The following RNPEPL1 variants were observed in gnomAD, a reference collection of about 807,000 sequenced individuals.
RNPEPL1 encodes the protein aminopeptidase RNPEPL1.
A neutral mutation model predicts 69.0 loss-of-function variants in RNPEPL1; 46 were observed. The observed-to-expected ratio is 0.67, with a 90% CI of 0.53 to 0.85. The LOEUF (loss-of-function observed/expected upper bound fraction) is 0.85, where lower values mean the gene tolerates loss of function less well. RNPEPL1 is among the 40% of genes least tolerant of loss of function. The probability of loss-of-function intolerance (pLI) is 0.00; values close to 1 mark genes in which losing one functional copy is unlikely to be tolerated. For missense variants in RNPEPL1, 869 were observed against 992.5 expected (o/e 0.88, Z 1.67); for synonymous variants, 525 against 454.1 (o/e 1.16, Z -1.98).
At chr2:240,570,445 G>A (rs1054744695) in intron 1 of RNPEPL1, among the ~76,000 whole-genome samples, 5 of 152,230 alleles carry the variant, frequency 3.3e-5, no homozygotes, top group African/African-American at 9.6e-5. Context: ...AGAAGGCAGA[G>A]TATTCGACTC....
Position 240,569,092 on chromosome 2 carries a change from A to G in RNPEPL1, c.506A>G (p.Tyr169Cys). The G allele has an allele frequency of 6.7e-7, 1 of 1,502,016 alleles. No homozygotes were observed. Among genetic ancestry groups the G allele is most frequent in the Non-Finnish European group, 8.8e-7 (1 of 1,132,784 alleles). 93.0% of individuals were successfully genotyped at this position (1,502,016 alleles called of 1,614,324 possible). ...AHQPFQVILRYTSTDAPAIWW... is the reference protein window; with the variant it reads ...AHQPFQVILRCTSTDAPAIWW... Reference sequence around the variant, plus strand: ...CAGCCCTTCCAGGTCATCCTGCGGTACACCTCGACCGACGCCCCCGCCGTG... The same window carrying G: ...CAGCCCTTCCAGGTCATCCTGCGGTGCACCTCGACCGACGCCCCCGCCGTG... The change falls in exon 1 of 11, where the codon TAC (tyrosine) becomes TGC (cysteine). Residue 169 changes from tyrosine (Y) to cysteine (C), a missense_variant. Around this residue, in one of 2 missense-constraint regions of RNPEPL1, gnomAD observed 610 missense variants for 790.9 expected, o/e 0.77. Coordinates refer to ENST00000270357, the MANE Select transcript of RNPEPL1 (RefSeq NM_018226.6).
At position 240,568,592 on chromosome 2, in the gene RNPEPL1, C is replaced by T. The variant is rs1024723870; in HGVS notation, c.6C>T (p.Ala2=). The part of the protein sequence containing the change: M[A]AQCCCRQAPG... Reference sequence around the variant, plus strand: ...TTCACCTAGTGCCGGCGGCCATGGCCGCGCAGTGCTGCTGCCGCCAGGCGC... The same window carrying T: ...TTCACCTAGTGCCGGCGGCCATGGCTGCGCAGTGCTGCTGCCGCCAGGCGC... Residue 2 remains alanine (A), a synonymous_variant, in exon 1 of 11, where the codon GCC becomes GCT. Transcript: ENST00000270357. This position sits in a 1 kb window ranked among gnomAD's most constrained non-coding sequence, Gnocchi z 6.2. 7.0e-5 allele frequency: 69 copies of T among 984,182 alleles called. No homozygotes were observed. The African/African-American group carries it at 8.3e-4, about 12-fold the overall frequency. The allele number at this position is 984,182 out of a possible 1,614,324, so 61.0% of individuals were successfully genotyped here.
intron 1 of RNPEPL1, among the ~76,000 whole-genome samples, chr2:240,571,853 T>C (rs1477111495): frequency 6.6e-6 from 1 of 152,004 alleles, no homozygotes; most frequent in Non-Finnish European, 1.5e-5. Context: ...CTCCACTCCC[T>C]GCTTGCTGTC....
rs1352660794 is a variant in RNPEPL1, at chr2:240,580,152, T to C, written c.*2260T>C. ...TTGTGTTCCTGACCTTTGTTCCTCT[T>C]CCACCCAGCTTGCAAGTGCAGAATT... On this transcript the variant is annotated 3_prime_UTR_variant, in exon 11 of 11. Transcript: ENST00000270357. The C allele has an allele frequency of 1.3e-5, 2 of 152,412 alleles. No individual in the cohort carries two copies. Among genetic ancestry groups the C allele is most frequent in the African/African-American group, 4.8e-5 (2 of 41,454 alleles). 9.4% of individuals were successfully genotyped at this position (152,412 alleles called of 1,614,324 possible).
chr2:240,569,165 T>C, intron 1 of RNPEPL1, 51 bp downstream of exon 1: 4 of 1,373,090 alleles, frequency 2.9e-6, no homozygotes, highest in African/African-American at 1.5e-5. Context: ...AGGGCGCTGC[T>C]AGCGGCCTCT....
chr2:240,573,077 G>A (rs1243348308), intron 2 of RNPEPL1, 33 bp from the exon 3 acceptor site: 1 of 1,560,574 alleles, frequency 6.4e-7, no homozygotes, highest in Middle Eastern at 1.7e-4. Context: ...GCTGACGGTG[G>A]GGCCACCCGG....
chr2:240,569,793 C>T (rs1294121739), intron 1 of RNPEPL1, among the ~76,000 whole-genome samples: 1 of 152,156 alleles, frequency 6.6e-6, no homozygotes, highest in Non-Finnish European at 1.5e-5. Flanking sequence ...GTGGTATGGA[C>T]GGCACACATG....
rs2125451209 is a variant in RNPEPL1, at chr2:240,578,069, G to T, written c.*177G>T. On this transcript the variant is annotated 3_prime_UTR_variant, in exon 11 of 11. Transcript: ENST00000270357. ...GAGAGGGACCTCCTTGTGTCTGGCA[G>T]AGACCTGTGGACCTGGCCTCCCCAC... 1 of 568,340 alleles carries T rather than the reference G, an allele frequency of 1.8e-6. No individual in the cohort carries two copies. The highest frequency in any genetic ancestry group is 2.8e-6 in the Non-Finnish European group (1 of 353,148). 35.2% of individuals were successfully genotyped at this position (568,340 alleles called of 1,614,324 possible). A position where few individuals can be genotyped will look rare whatever the true frequency, so the allele number is the denominator to read the frequency against.
chr2:240,578,196 C>A lies in RNPEPL1; in HGVS notation c.*304C>A. ...GCCTAGCCCCGGATGCCAGCACCTG[C>A]CAGGTGCCGCCCCGGGGCAAGGGCC... On this transcript the variant is annotated 3_prime_UTR_variant, in exon 11 of 11. Transcript: ENST00000270357. 3.4e-6 allele frequency: 1 copy of A among 293,692 alleles called. No individual in the cohort carries two copies. Among genetic ancestry groups the A allele is most frequent in the Non-Finnish European group, 6.4e-6 (1 of 157,144 alleles). 18.2% of individuals were successfully genotyped at this position (293,692 alleles called of 1,614,324 possible). A position where few individuals can be genotyped will look rare whatever the true frequency, so the allele number is the denominator to read the frequency against.
chr2:240,576,498 C>G, intron 8 of RNPEPL1, 37 bp from the exon 9 acceptor site: 1 of 1,565,802 alleles, frequency 6.4e-7, no homozygotes, highest in East Asian at 2.3e-5. Flanking sequence ...CCCTTCCTAG[C>G]CTGGGCAGGG....
chr2:240,573,310 A>G (rs775282291), intron 3 of RNPEPL1, 49 bp downstream of exon 3: 10 of 1,515,992 alleles, frequency 6.6e-6, no homozygotes, highest in Middle Eastern at 2.1e-4. Flanking sequence ...CCTCGGGGAG[A>G]GCCCCACCGG....
rs2093039662 is a variant in RNPEPL1 at position 240,576,953 on chromosome 2, C to T, written c.1847C>T (p.Pro616Leu). ...LQIVVRNDYYPDLHRVRRFLE... is the reference protein window; with the variant it reads ...LQIVVRNDYYLDLHRVRRFLE... ...ATTGTGGTCCGCAACGACTACTATC[C>T]TGACCTCCACAGGGTGCGGCGCTTC... The change falls in exon 10 of 11, where the codon CCT (proline) becomes CTT (leucine). Residue 616 changes from proline to leucine, a missense_variant. This residue lies in a region of RNPEPL1 where 610 missense variants were observed against 790.9 expected (regional missense o/e 0.77). Coordinates refer to ENST00000270357, the MANE Select transcript of RNPEPL1 (RefSeq NM_018226.6). The T allele has an allele frequency of 1.2e-6, 2 of 1,613,456 alleles. No homozygotes were observed. Among genetic ancestry groups the T allele is most frequent in the Non-Finnish European group, 1.7e-6 (2 of 1,179,970 alleles).
At chr2:240,574,946 C>A (rs1212984404) in intron 6 of RNPEPL1, 84 bp from the exon 7 acceptor site, 7 of 1,056,802 alleles carry the variant, frequency 6.6e-6, no homozygotes, top group African/African-American at 6.2e-5. Flanking sequence ...CTTGCTGCTC[C>A]TCGGAGCCTG....
At position 240,574,315 on chromosome 2, in the gene RNPEPL1, T is replaced by C; in HGVS notation, c.1141T>C (p.Tyr381His). ...EMWLSEGLAT[Y>H]AQRRITTETY... ...GTGGCTGAGCGAGGGCCTGGCCACC[T>C]ATGCCCAGCGCCGTATCACCACCGA... Residue 381 changes from tyrosine (Y) to histidine (H), a missense_variant, in exon 5 of 11, where the codon TAT becomes CAT. Physicochemically the swap from Tyr to His is moderately conservative, Grantham distance 83. This residue lies in a region of RNPEPL1 where 610 missense variants were observed against 790.9 expected (regional missense o/e 0.77). Coordinates refer to ENST00000270357, the MANE Select transcript of RNPEPL1 (RefSeq NM_018226.6). 6.2e-7 allele frequency: 1 copy of C among 1,603,604 alleles called. No homozygotes were observed. The highest frequency in any genetic ancestry group is 8.5e-7 in the Non-Finnish European group (1 of 1,179,678).
intron 4 of RNPEPL1, 40 bp downstream of exon 4, chr2:240,573,931 A>T (rs1188730809): frequency 1.9e-6 from 3 of 1,542,266 alleles, no homozygotes; most frequent in South Asian, 2.4e-5. Flanking sequence ...GGCTGGAAGG[A>T]GGAGTCAGAG....
rs2093011895 is a variant in RNPEPL1, at chr2:240,568,787, G to GCTGCGGC, written c.203_209dup (p.Pro72AlafsTer234). On this transcript the variant is annotated frameshift_variant, in exon 1 of 11. Coordinates refer to ENST00000270357, the MANE Select transcript of RNPEPL1 (RefSeq NM_018226.6). LOFTEE classifies it high-confidence loss of function. The surrounding 1 kb of genome is among the most constrained non-coding windows in gnomAD (Gnocchi z 6.2). The stretch of plus-strand genomic sequence containing the variant: ...GCTGCCTGGTGCTCGAGCTGTGCGC[G>GCTGCGGC]CTGCGGCCCGCGCCCCGCGCGCTCG... The GCTGCGGC allele has an allele frequency of 1.9e-6, 2 of 1,074,950 alleles. No individual in the cohort carries two copies. Among genetic ancestry groups the GCTGCGGC allele is most frequent in the Non-Finnish European group, 2.3e-6 (2 of 887,072 alleles). 66.6% of individuals were successfully genotyped at this position (1,074,950 alleles called of 1,614,324 possible). A position where few individuals can be genotyped will look rare whatever the true frequency, so the allele number is the denominator to read the frequency against.
chr2:240,568,673 C>T lies in RNPEPL1; in HGVS notation c.87C>T (p.Asp29=). The change falls in exon 1 of 11, where the codon GAC becomes GAT. Residue 29 remains aspartate, a synonymous_variant. Coordinates refer to ENST00000270357, the MANE Select transcript of RNPEPL1 (RefSeq NM_018226.6). The surrounding 1 kb of genome is among the most constrained non-coding windows in gnomAD (Gnocchi z 6.2). ...CGCCCGAGCCGCCGCCCGCCCTGGA[C>T]GTGGCCTCGGCCTCCAGCGCGCAGC... ...RPPPEPPPAL[D]VASASSAQLF... 1 of 1,043,298 alleles carries T rather than the reference C, an allele frequency of 9.6e-7. No homozygotes were observed. Among genetic ancestry groups the T allele is most frequent in the Non-Finnish European group, 1.2e-6 (1 of 865,648 alleles). 64.6% of individuals were successfully genotyped at this position (1,043,298 alleles called of 1,614,324 possible). A position where few individuals can be genotyped will look rare whatever the true frequency, so the allele number is the denominator to read the frequency against.
chr2:240,570,679 C>A (rs1307910633), intron 1 of RNPEPL1, among the ~76,000 whole-genome samples: 1 of 152,152 alleles, frequency 6.6e-6, no homozygotes, highest in African/African-American at 2.4e-5. Flanking sequence ...ATTCCCGCAC[C>A]CCCACCCCAC....
chr2:240,576,058 G>A (rs2093036865), intron 8 of RNPEPL1: 1 of 254,740 alleles, frequency 3.9e-6, no homozygotes, highest in South Asian at 5.7e-5. Context: ...AGGGTGGTGA[G>A]GTGCCACTGG....
Sources: allele counts gnomAD v4.1 joint callset (sites outside exome capture counted in the v4.1 genomes callset), GRCh38; gene constraint gnomAD v4.1.1; regional missense constraint gnomAD v4.1.1; non-coding constraint Gnocchi (gnomAD v3.1); transcripts MANE v1.5; gene names NCBI Gene and HGNC (gene_info 2026-07-23, HGNC 2026-07-21).